The following NRK variants were observed in gnomAD, a reference collection of about 807,000 sequenced individuals.
NRK encodes the protein nik-related protein kinase.
A neutral mutation model predicts 125.2 loss-of-function variants in NRK; 67 were observed. The ratio of observed to expected loss-of-function variants is 0.54; its 90% CI spans 0.44 to 0.66. NRK has a LOEUF of 0.66. Among genes scored for constraint, NRK ranks in the 30% least tolerant of loss-of-function variants. The probability of loss-of-function intolerance (pLI) is 0.00; values close to 1 mark genes in which losing one functional copy is unlikely to be tolerated. For missense variants in NRK, 1,224 were observed against 1,192.9 expected (o/e 1.03, Z -0.38); for synonymous variants, 458 against 429.0 (o/e 1.07, Z -0.84).
intron 9 of NRK, among the ~76,000 whole-genome samples, chrX:105,902,327 G>A (rs767449912): frequency 4.8e-4 from 53 of 111,372 alleles, no homozygotes; most frequent in Non-Finnish European, 9.2e-4. Context: ...TTGGTCAAGA[G>A]CAGCCCTAAA....
At chrX:105,929,115 A>T (rs767425994) in intron 19 of NRK, among the ~76,000 whole-genome samples, 6 of 111,905 alleles carry the variant, frequency 5.4e-5, no homozygotes, top group African/African-American at 1.9e-4. Flanking sequence ...ATTGTAGTTT[A>T]TCTCTCCCTT....
chrX:105,925,425 A>T (rs1327986812), intron 19 of NRK, among the ~76,000 whole-genome samples: 1 of 111,456 alleles, frequency 9.0e-6, no homozygotes, highest in Non-Finnish European at 1.9e-5. Flanking sequence ...ATCACCTCAA[A>T]CATTCATCAT....
chrX:105,921,405 G>A (rs184116740), intron 16 of NRK, among the ~76,000 whole-genome samples: 10,499 of 104,772 alleles, frequency 0.1, 1,544 homozygotes, highest in African/African-American at 0.36. Flanking sequence ...TGGGTGCAGT[G>A]CACCAGCATG....
intron 2 of NRK, among the ~76,000 whole-genome samples, chrX:105,840,506 T>G (rs1345912307): frequency 9.0e-6 from 1 of 111,381 alleles, no homozygotes; most frequent in Non-Finnish European, 1.9e-5. Context: ...CCAAAACTAA[T>G]AAATTCTTTA....
At chrX:105,905,440 C>A in intron 10 of NRK, 97 bp downstream of exon 10, 1 of 603,730 alleles carries the variant, frequency 1.7e-6, no homozygotes, top group Non-Finnish European at 2.7e-6. Context: ...GCTGCACCAT[C>A]CTGGTTGGAC....
intron 17 of NRK, 84 bp from the exon 18 acceptor site, chrX:105,923,034 A>T: frequency 1.0e-6 from 1 of 952,776 alleles, no homozygotes; most frequent in South Asian, 2.5e-5. Flanking sequence ...AATATATTTC[A>T]AAATGTTGTC....
rs915590915 is a variant in NRK at position 105,955,560 on chromosome X, T to C, written c.4709T>C (p.Leu1570Pro). The change falls in exon 29 of 29, where the codon CTT becomes CCT. Residue 1570 changes from leucine to proline, a missense_variant. Physicochemically the swap from Leu to Pro is moderately conservative, Grantham distance 98. Transcript: ENST00000243300. ...NHHSRVYFMT[L>P]GKLEELQSNY... ...CACAGCCGGGTTTACTTCATGACACTTGGAAAACTTGAAGAGCTCCAAAGC... is the reference window on the plus strand; with the variant it reads ...CACAGCCGGGTTTACTTCATGACACCTGGAAAACTTGAAGAGCTCCAAAGC... The C allele has an allele frequency of 1.7e-6, 2 of 1,184,918 alleles. No homozygotes were observed. Among genetic ancestry groups the C allele is most frequent in the Non-Finnish European group, 2.3e-6 (2 of 877,382 alleles).
At chrX:105,828,637 A>G (rs2039146453) in intron 1 of NRK, among the ~76,000 whole-genome samples, 1 of 111,959 alleles carries the variant, frequency 8.9e-6, no homozygotes, top group East Asian at 2.8e-4. Flanking sequence ...ACAGATGGCC[A>G]AAGACTGTTT....
chrX:105,899,072 G>T (rs999207153), intron 8 of NRK, among the ~76,000 whole-genome samples: 15 of 111,285 alleles, frequency 1.3e-4, no homozygotes, highest in African/African-American at 4.9e-4. Context: ...ATGAATAAAT[G>T]TAAAGCCAAT....
Position 105,956,066 on chromosome X carries a change from A to T in NRK, c.*466A>T, listed in dbSNP as rs1211887481. On this transcript the variant is annotated 3_prime_UTR_variant, in exon 29 of 29. Transcript: ENST00000243300. Reference sequence around the variant, plus strand: ...CCAAAGGTTTAGTCAAGAAACAAAAATCTTAAAGATTATTATAACCCAGAC... The same window carrying T: ...CCAAAGGTTTAGTCAAGAAACAAAATTCTTAAAGATTATTATAACCCAGAC... The T allele has an allele frequency of 1.8e-5, 2 of 112,213 alleles. No homozygotes were observed. The highest frequency in any genetic ancestry group is 6.5e-5 in the African/African-American group (2 of 30,822). The allele number at this position is 112,213 out of a possible 1,213,427, so 9.2% of individuals were successfully genotyped here.
chrX:105,841,473 T>A (rs1446526893), intron 2 of NRK, among the ~76,000 whole-genome samples: 1 of 111,754 alleles, frequency 8.9e-6, no homozygotes, highest in East Asian at 2.8e-4. Context: ...GTAGTTTATG[T>A]GTAATTTGTG....
At chrX:105,859,909 T>C (rs2039579978) in intron 2 of NRK, among the ~76,000 whole-genome samples, 1 of 111,762 alleles carries the variant, frequency 8.9e-6, no homozygotes, top group African/African-American at 3.3e-5. Context: ...AACCAGTCAA[T>C]GGTAATTTTG....
At chrX:105,858,312 A>G (rs2039557907) in intron 2 of NRK, among the ~76,000 whole-genome samples, 1 of 110,260 alleles carries the variant, frequency 9.1e-6, no homozygotes, top group African/African-American at 3.3e-5. Flanking sequence ...TGCACACTAA[A>G]ATGGGCAAAT....
intron 26 of NRK, chrX:105,948,858 T>G (rs2040854590): frequency 2.8e-6 from 1 of 352,702 alleles, no homozygotes; most frequent in Admixed American, 5.5e-5. Flanking sequence ...ACTGTTAATG[T>G]GACAATATCT....
At chrX:105,870,457 C>G (rs1489195030) in intron 2 of NRK, among the ~76,000 whole-genome samples, 6 of 111,731 alleles carry the variant, frequency 5.4e-5, no homozygotes, top group African/African-American at 1.6e-4. Flanking sequence ...GTACTTTTGT[C>G]CCCTGTAGAT....
chrX:105,890,490 G>C (rs961809397), intron 5 of NRK, among the ~76,000 whole-genome samples: 1 of 111,993 alleles, frequency 8.9e-6, no homozygotes, highest in Non-Finnish European at 1.9e-5. Context: ...CACGCTGCTC[G>C]TAAAGACATA....
At chrX:105,859,815 G>A (rs1455863846) in intron 2 of NRK, among the ~76,000 whole-genome samples, 1 of 111,761 alleles carries the variant, frequency 8.9e-6, no homozygotes. Context: ...GGGGCAGGGA[G>A]AGAAAGGGGT....
chrX:105,948,875 T>TA (rs1423652867), intron 26 of NRK: 12 of 332,612 alleles, frequency 3.6e-5, no homozygotes, highest in African/African-American at 5.3e-5. Context: ...ATCTGTAGTT[T>TA]AAGAAAACTT....
chrX:105,947,209 C>T lies in NRK; in HGVS notation c.4353+745C>T, dbSNP rs959606469. Among the ~76,000 whole-genome samples, 14 of 56,705 alleles carry T rather than the reference C, an allele frequency of 2.5e-4. 2 individuals are homozygous for T. The highest frequency in any genetic ancestry group is 3.8e-4 in the Non-Finnish European group (13 of 33,910). 49.2% of individuals were successfully genotyped at this position (56,705 alleles called of 115,157 possible). A position where few individuals can be genotyped will look rare whatever the true frequency, so the allele number is the denominator to read the frequency against. On this transcript the variant is annotated intron_variant, in intron 26 of 28. Coordinates refer to ENST00000243300, the MANE Select transcript of NRK (RefSeq NM_198465.4). ...CTGTAATCCCAGCACTTTGGGAGGC[C>T]GAGGCGGGCGGATCACGAGGTCAGG...
Sources: allele counts gnomAD v4.1 joint callset (sites outside exome capture counted in the v4.1 genomes callset), GRCh38; gene constraint gnomAD v4.1.1; transcripts MANE v1.5; gene names NCBI Gene and HGNC (gene_info 2026-07-23, HGNC 2026-07-21).